The following CDKN2B-AS1 variants were observed in gnomAD, a reference collection of about 807,000 sequenced individuals.
CDKN2B-AS1 encodes the protein CDKN2B and CDKN2A antisense cis and trans regulatory RNA 1.
chr9:22,099,493 A>G (rs1055284812), intron 4 of CDKN2B-AS1, among the ~76,000 whole-genome samples: 2 of 152,198 alleles, frequency 1.3e-5, no homozygotes, highest in Non-Finnish European at 2.9e-5. Flanking sequence ...TTAGATGCAC[A>G]TATACGTACT....
intron 4 of CDKN2B-AS1, among the ~76,000 whole-genome samples, chr9:22,123,404 A>G (rs1453496692): frequency 2.0e-5 from 3 of 152,210 alleles, no homozygotes; most frequent in Non-Finnish European, 4.4e-5. Context: ...AAGAATGTTA[A>G]GAGTGGGCAT....
chr9:22,099,630 G>A (rs942465164), intron 4 of CDKN2B-AS1, among the ~76,000 whole-genome samples: 27 of 152,104 alleles, frequency 1.8e-4, no homozygotes, highest in African/African-American at 6.3e-4. Context: ...ATAACTGATA[G>A]CATCTCAAAT....
intron 4 of CDKN2B-AS1, among the ~76,000 whole-genome samples, chr9:22,081,946 C>T (rs1212172274): frequency 6.6e-6 from 1 of 152,136 alleles, no homozygotes; most frequent in Non-Finnish European, 1.5e-5. Context: ...TCATATACCC[C>T]CAGCCTGTGG....
At chr9:22,069,195 C>T (rs1587487756) in intron 4 of CDKN2B-AS1, among the ~76,000 whole-genome samples, 1 of 152,126 alleles carries the variant, frequency 6.6e-6, no homozygotes, top group South Asian at 2.1e-4. Flanking sequence ...TCTTGCAGCT[C>T]CCTAAGTAAA....
At chr9:22,106,541 A>G (rs1437125646) in intron 4 of CDKN2B-AS1, among the ~76,000 whole-genome samples, 1 of 152,150 alleles carries the variant, frequency 6.6e-6, no homozygotes, top group Admixed American at 6.5e-5. Context: ...CTTAATTCTC[A>G]GCTTTCTTAT....
intron 4 of CDKN2B-AS1, among the ~76,000 whole-genome samples, chr9:22,109,622 G>T (rs1280042035): frequency 6.6e-6 from 1 of 152,152 alleles, no homozygotes; most frequent in Non-Finnish European, 1.5e-5. Flanking sequence ...TTCGATGCTG[G>T]TGATGGAGGT....
chr9:22,112,845 A>C (rs1014161236), intron 4 of CDKN2B-AS1, among the ~76,000 whole-genome samples: 1 of 152,164 alleles, frequency 6.6e-6, no homozygotes, highest in Non-Finnish European at 1.5e-5. Flanking sequence ...AAAGTCCACA[A>C]GTTCAGAACA....
chr9:22,095,085 G>A (rs911208986), intron 4 of CDKN2B-AS1, among the ~76,000 whole-genome samples: 3 of 144,910 alleles, frequency 2.1e-5, no homozygotes, highest in Admixed American at 6.7e-5. Flanking sequence ...CACTCCAGAC[G>A]CTGTTTGCCT....
chr9:22,079,289 G>C (rs1211613546), intron 4 of CDKN2B-AS1, among the ~76,000 whole-genome samples: 1 of 152,118 alleles, frequency 6.6e-6, no homozygotes, highest in Admixed American at 6.6e-5. Flanking sequence ...TTCGAGACCA[G>C]CCTGGCCAAC....
Position 22,001,763 on chromosome 9 carries a change from G to A in CDKN2B-AS1, n.29+6602G>A, listed in dbSNP as rs1347216842. ...AAGGAGTAATTTCATTTGGATAGCTGAAATTGAGAAACGTTTTATAGAAAC... is the reference window on the plus strand; with the variant it reads ...AAGGAGTAATTTCATTTGGATAGCTAAAATTGAGAAACGTTTTATAGAAAC... On this transcript the variant is annotated intron_variant and non_coding_transcript_variant, in intron 1 of 4. Transcript: ENST00000650946. This position sits in a 1 kb window ranked among gnomAD's most constrained non-coding sequence, Gnocchi z 4.2. 6.6e-6 allele frequency among the ~76,000 whole-genome samples: 1 copy of A among 152,088 alleles called. No homozygotes were observed. Among genetic ancestry groups the A allele is most frequent in the Non-Finnish European group, 1.5e-5 (1 of 67,958 alleles).
intron 1 of CDKN2B-AS1, among the ~76,000 whole-genome samples, chr9:22,011,754 G>T (rs549228627): frequency 1.3e-5 from 2 of 152,196 alleles, no homozygotes; most frequent in African/African-American, 4.8e-5. Flanking sequence ...AATAGAGTGA[G>T]ATTATGAAAC....
In CDKN2B-AS1 at chr9:22,000,472, A is replaced by G. The variant is rs926808732; in HGVS notation, n.29+5311A>G. On this transcript the variant is annotated intron_variant and non_coding_transcript_variant, in intron 1 of 4. Transcript: ENST00000650946. This position sits in a 1 kb window ranked among gnomAD's most constrained non-coding sequence, Gnocchi z 4.1. The stretch of plus-strand genomic sequence containing the variant: ...AGAGATTAGCAAATAATAGAGGATG[A>G]TCAAATGTTTTTCAGAAAATATTAT... Among the ~76,000 whole-genome samples, 3 of 152,242 alleles carry G rather than the reference A, an allele frequency of 2.0e-5. No homozygotes were observed. Among genetic ancestry groups the G allele is most frequent in the Admixed American group, 6.5e-5 (1 of 15,282 alleles).
chr9:22,123,203 C>A (rs568239040), intron 4 of CDKN2B-AS1, among the ~76,000 whole-genome samples: 1 of 152,044 alleles, frequency 6.6e-6, no homozygotes, highest in Non-Finnish European at 1.5e-5. Context: ...ATATTGATAT[C>A]GTATTCTGCA....
chr9:22,083,487 A>G (rs1471865898), intron 4 of CDKN2B-AS1, among the ~76,000 whole-genome samples: 5 of 152,228 alleles, frequency 3.3e-5, no homozygotes, highest in Admixed American at 3.3e-4. Context: ...AATCTCAATG[A>G]GTAGCCAGTT....
intron 1 of CDKN2B-AS1, among the ~76,000 whole-genome samples, chr9:22,034,377 C>A (rs1458875832): frequency 6.6e-6 from 1 of 151,986 alleles, no homozygotes; most frequent in African/African-American, 2.4e-5. Context: ...CATTGTGTTC[C>A]CCCCTGACTT....
intron 4 of CDKN2B-AS1, among the ~76,000 whole-genome samples, chr9:22,071,285 CTTTTTTTTTTTTTTTT>C: frequency 1.5e-5 from 1 of 67,580 alleles, no homozygotes; most frequent in African/African-American, 7.0e-5. Context: ...AAATATCTAG[CTTTTTTTTTTTTTTTT>C]TTTTTTTTTT....
At chr9:22,123,835 T>A (rs72655403) in intron 4 of CDKN2B-AS1, among the ~76,000 whole-genome samples, 1 of 152,170 alleles carries the variant, frequency 6.6e-6, no homozygotes, top group Non-Finnish European at 1.5e-5. Flanking sequence ...CATTCTAAAA[T>A]CAACTACAAT....
exon 3 of CDKN2B-AS1, chr9:22,049,187 T>C (rs1823233743): frequency 6.6e-6 from 1 of 152,142 alleles, no homozygotes; most frequent in Admixed American, 6.5e-5. Context: ...GGAGATCTAT[T>C]TGGAATGTAT....
At chr9:22,090,483 G>C (rs1429574754) in intron 4 of CDKN2B-AS1, among the ~76,000 whole-genome samples, 1 of 152,142 alleles carries the variant, frequency 6.6e-6, no homozygotes, top group African/African-American at 2.4e-5. Context: ...ATCCTCTCCA[G>C]CACCTGTTGT....
Sources: gnomAD v4.1 joint callset for allele counts (sites outside exome capture counted in the v4.1 genomes callset) on GRCh38, gnomAD v4.1.1 for gene constraint, Gnocchi (gnomAD v3.1) non-coding constraint, MANE v1.5 for transcripts, NCBI Gene and HGNC (gene_info 2026-07-23, HGNC 2026-07-21) for gene names.